Variants in NRXN3 observed in about 807,000 individuals in gnomAD.
NRXN3 encodes the protein neurexin III.
Under a neutral mutation model 137.6 loss-of-function variants are expected in NRXN3, and 32 were observed. The ratio of observed to expected loss-of-function variants is 0.23; its 90% confidence interval spans 0.18 to 0.31. The LOEUF (loss-of-function observed/expected upper bound fraction) is 0.31, where lower values mean the gene tolerates loss of function less well. Ranked by LOEUF, NRXN3 falls within the 10% of genes least tolerant of loss-of-function variation. The probability of loss-of-function intolerance (pLI) is 1.00; values close to 1 mark genes in which losing one functional copy is unlikely to be tolerated. For missense variants in NRXN3, 1,574 were observed against 2,062.5 expected, an observed-to-expected ratio of 0.76 and a Z score of 4.59; for synonymous variants, 798 against 784.5, an observed-to-expected ratio of 1.02 and a Z score of -0.29.
chr14:79,371,342 T>C (rs2094103531), intron 15 of NRXN3, among the ~76,000 whole-genome samples: 1 of 152,184 alleles, frequency 6.6e-6, no homozygotes, highest in Non-Finnish European at 1.5e-5. Flanking sequence ...ACCTTCTGCC[T>C]TCTGGCAGAC....
chr14:79,656,325 G>A (rs1275851919), intron 16 of NRXN3, among the ~76,000 whole-genome samples: 1 of 152,162 alleles, frequency 6.6e-6, no homozygotes, highest in Non-Finnish European at 1.5e-5. Flanking sequence ...CCAGGTCTTG[G>A]CACAGGGCTG....
intron 16 of NRXN3, among the ~76,000 whole-genome samples, chr14:79,636,018 A>T (rs1321918782): frequency 2.0e-5 from 3 of 152,092 alleles, no homozygotes; most frequent in Admixed American, 6.6e-5. Context: ...GATTATGGGA[A>T]CTACTATTCA....
chr14:78,876,163 C>T (rs2152601245), intron 10 of NRXN3, among the ~76,000 whole-genome samples: 1 of 152,232 alleles, frequency 6.6e-6, no homozygotes, highest in South Asian at 2.1e-4. Context: ...CTTTCAAATG[C>T]AGAATGACAA....
chr14:79,289,731 G>T (rs1438514864), intron 15 of NRXN3, among the ~76,000 whole-genome samples: 1 of 152,192 alleles, frequency 6.6e-6, no homozygotes, highest in African/African-American at 2.4e-5. Context: ...AAACCTCAGT[G>T]TGAAAAAGTG....
At chr14:79,130,803 C>A (rs2057352940) in intron 15 of NRXN3, among the ~76,000 whole-genome samples, 1 of 152,178 alleles carries the variant, frequency 6.6e-6, no homozygotes. Context: ...CTCCCCGTCA[C>A]TTTCAGGTAC....
chr14:78,861,460 A>G (rs1341057365), intron 10 of NRXN3, among the ~76,000 whole-genome samples: 1 of 152,138 alleles, frequency 6.6e-6, no homozygotes, highest in Non-Finnish European at 1.5e-5. Context: ...AATAAATAAG[A>G]GTTCACACCT....
At chr14:79,636,285 G>A (rs887994941) in intron 16 of NRXN3, among the ~76,000 whole-genome samples, 2 of 152,176 alleles carry the variant, frequency 1.3e-5, no homozygotes, top group African/African-American at 4.8e-5. Flanking sequence ...CAGAATATCA[G>A]TACGATGGTG....
intron 15 of NRXN3, among the ~76,000 whole-genome samples, chr14:79,237,326 A>G (rs1316294223): frequency 6.6e-6 from 1 of 152,182 alleles, no homozygotes; most frequent in Non-Finnish European, 1.5e-5. Flanking sequence ...ATTTAAGATT[A>G]AAATGAGCAG....
In NRXN3 at chr14:79,725,562, G is replaced by T. The variant is rs576601748; in HGVS notation, c.4014+27625G>T. The stretch of plus-strand genomic sequence containing the variant: ...AACTTGCAAATGTGGAAGTTGGGCC[G>T]GGCTAGGTTATGTTCCGCTCTAACC... On this transcript the variant is annotated intron_variant, in intron 19 of 20. Transcript: ENST00000335750. Among the ~76,000 whole-genome samples the T allele has an allele frequency of 1.2e-4, 18 of 152,176 alleles. No homozygotes were observed. The South Asian group carries it at 3.3e-3, about 28-fold the overall frequency.
chr14:78,975,446 T>C (rs745699291), intron 14 of NRXN3, among the ~76,000 whole-genome samples: 3 of 152,146 alleles, frequency 2.0e-5, no homozygotes, highest in Non-Finnish European at 4.4e-5. Context: ...TGATAGCACA[T>C]GAAATGGGAG....
At chr14:78,420,242 T>C (rs1200532949) in intron 4 of NRXN3, among the ~76,000 whole-genome samples, 2 of 152,224 alleles carry the variant, frequency 1.3e-5, no homozygotes, top group Admixed American at 1.3e-4. Flanking sequence ...CCTACAAATA[T>C]ATATTTTTTA....
chr14:78,761,083 A>G (rs2098690860), intron 8 of NRXN3, among the ~76,000 whole-genome samples: 1 of 152,200 alleles, frequency 6.6e-6, no homozygotes, highest in African/African-American at 2.4e-5. Context: ...TGCCATATCT[A>G]GAACTGGGGA....
chr14:78,282,444 G>A (rs540279254), intron 3 of NRXN3: 9 of 254,518 alleles, frequency 3.5e-5, no homozygotes, highest in East Asian at 9.2e-5. Context: ...TCTCTCCTCC[G>A]AAGGGATAAT....
At chr14:78,639,309 C>G (rs1275000761) in intron 4 of NRXN3, among the ~76,000 whole-genome samples, 1 of 152,226 alleles carries the variant, frequency 6.6e-6, no homozygotes. Flanking sequence ...AGGCTGCATG[C>G]TACAATGAGA....
chr14:78,882,089 T>C (rs2099130673), intron 10 of NRXN3, among the ~76,000 whole-genome samples: 1 of 151,796 alleles, frequency 6.6e-6, no homozygotes, highest in African/African-American at 2.4e-5. Flanking sequence ...GTTGGGCCTG[T>C]GATTGTATAG....
At chr14:78,902,082 T>A (rs533520684) in intron 10 of NRXN3, among the ~76,000 whole-genome samples, 58 of 151,584 alleles carry the variant, frequency 3.8e-4, no homozygotes, top group Admixed American at 2.0e-3. Context: ...GACTTTGGCA[T>A]CAGCTAAATT....
chr14:79,512,636 T>C (rs2153691706), intron 16 of NRXN3, among the ~76,000 whole-genome samples: 1 of 152,340 alleles, frequency 6.6e-6, no homozygotes, highest in South Asian at 2.1e-4. Flanking sequence ...ATTTTAAGAT[T>C]GAGAAATTGG....
chr14:79,159,646 C>T (rs1281967949), intron 15 of NRXN3, among the ~76,000 whole-genome samples: 3 of 151,734 alleles, frequency 2.0e-5, no homozygotes, highest in Non-Finnish European at 2.9e-5. Flanking sequence ...TTTTGGCCAT[C>T]GTCCCCACAA....
chr14:79,012,648 TTCC>T (rs888891617), intron 15 of NRXN3, among the ~76,000 whole-genome samples: 7 of 152,162 alleles, frequency 4.6e-5, no homozygotes, highest in Non-Finnish European at 1.0e-4. Context: ...CACTTCCACT[TTCC>T]AGAAGACACA....
Sources: gnomAD v4.1 joint callset for allele counts (sites outside exome capture counted in the v4.1 genomes callset) on GRCh38, gnomAD v4.1.1 for gene constraint, MANE v1.5 for transcripts, NCBI Gene and HGNC (gene_info 2026-07-23, HGNC 2026-07-21) for gene names.